Variants in DST observed in about 807,000 individuals in gnomAD.
DST encodes the protein dystonin, also known as bullous pemphigoid antigen.
A neutral mutation model predicts 875.2 loss-of-function variants in DST; 253 were observed. That is an observed-to-expected ratio of 0.29 (90% CI 0.26 to 0.32). The LOEUF (loss-of-function observed/expected upper bound fraction) is 0.32, where lower values mean the gene tolerates loss of function less well. Ranked by LOEUF, DST falls within the 10% of genes least tolerant of loss-of-function variation. The pLI is 1.00. For missense variants in DST, 8,287 were observed against 9,111.6 expected (o/e 0.91, Z 3.68); for synonymous variants, 3,124 against 3,197.1 (o/e 0.98, Z 0.77).
At chr6:56,775,941 C>A (rs951544695) in intron 4 of DST, among the ~76,000 whole-genome samples, 2 of 152,212 alleles carry the variant, frequency 1.3e-5, no homozygotes, top group African/African-American at 4.8e-5. Context: ...AATTCCCCAT[C>A]CCCCGTTGTG....
At chr6:56,802,840 G>T (rs567356575) in intron 4 of DST, among the ~76,000 whole-genome samples, 1 of 152,324 alleles carries the variant, frequency 6.6e-6, no homozygotes, top group Non-Finnish European at 1.5e-5. Context: ...CATTCATAAA[G>T]CACTGGATAA....
At chr6:56,488,869 T>C (rs989881109) in intron 86 of DST, among the ~76,000 whole-genome samples, 1 of 152,124 alleles carries the variant, frequency 6.6e-6, no homozygotes, top group Non-Finnish European at 1.5e-5. Flanking sequence ...TCTTTGAATG[T>C]CATGTGGAAG....
chr6:56,725,683 C>T (rs978081072), intron 5 of DST, among the ~76,000 whole-genome samples: 32 of 152,072 alleles, frequency 2.1e-4, no homozygotes, highest in Non-Finnish European at 3.2e-4. Flanking sequence ...AACATCTGTA[C>T]GATAGTATAT....
intron 36 of DST, chr6:56,615,581 A>G: frequency 3.1e-6 from 5 of 1,614,140 alleles, no homozygotes; most frequent in Non-Finnish European, 4.2e-6. Flanking sequence ...TAACAGTTTA[A>G]GTCCTGTGTG....
chr6:56,606,702 G>A lies in DST; in HGVS notation c.7926C>T (p.Asp2642=), dbSNP rs773870248. 1.9e-6 allele frequency: 3 copies of A among 1,613,568 alleles called. No individual in the cohort carries two copies. Among genetic ancestry groups the A allele is most frequent in the Admixed American group, 3.3e-5 (2 of 59,952 alleles). ...DRDCLHPEDY[D]TLQEENDETA... Reference sequence around the variant, plus strand: ...TCTCATCATTTTCCTCTTGCAGTGTGTCGTAGTCCTCAGGGTGCAGGCAAT... The same window carrying A: ...TCTCATCATTTTCCTCTTGCAGTGTATCGTAGTCCTCAGGGTGCAGGCAAT... Residue 2642 remains aspartate, a synonymous_variant, in exon 40 of 104, where the codon GAC becomes GAT. Coordinates refer to ENST00000680361, the MANE Select transcript of DST (RefSeq NM_001374736.1).
intron 7 of DST, among the ~76,000 whole-genome samples, chr6:56,703,125 C>A (rs1385178556): frequency 6.6e-6 from 1 of 152,180 alleles, no homozygotes; most frequent in Admixed American, 6.5e-5. Context: ...ATTTTTAAAT[C>A]TCCCTTTTAA....
At chr6:56,676,980 A>G (rs1016803009) in intron 9 of DST, among the ~76,000 whole-genome samples, 1 of 152,226 alleles carries the variant, frequency 6.6e-6, no homozygotes, top group African/African-American at 2.4e-5. Context: ...GACTATAGTT[A>G]GTAACGATGT....
chr6:56,621,803 AATT>A (rs1296451809), intron 36 of DST, among the ~76,000 whole-genome samples: 1 of 152,196 alleles, frequency 6.6e-6, no homozygotes, highest in African/African-American at 2.4e-5. Context: ...GGAATACAGA[AATT>A]ATTTTAGACA....
chr6:56,778,718 AT>A (rs1433380006), intron 4 of DST, among the ~76,000 whole-genome samples: 1 of 151,630 alleles, frequency 6.6e-6, no homozygotes, highest in Non-Finnish European at 1.5e-5. Context: ...TTAACTCATC[AT>A]TTTTTATGGC....
chr6:56,465,525 G>A (rs1384461564), intron 99 of DST, among the ~76,000 whole-genome samples: 1 of 151,994 alleles, frequency 6.6e-6, no homozygotes. Context: ...GACTTGGGCT[G>A]GAAGATATGT....
At chr6:56,488,719 C>G (rs1264747205) in intron 86 of DST, among the ~76,000 whole-genome samples, 3 of 152,068 alleles carry the variant, frequency 2.0e-5, no homozygotes, top group Admixed American at 2.0e-4. Flanking sequence ...TATGTACGTG[C>G]CTAAAATTGT....
chr6:56,905,216 CGTGT>C (rs150944175), intron 2 of DST, among the ~76,000 whole-genome samples: 33 of 150,678 alleles, frequency 2.2e-4, no homozygotes, highest in African/African-American at 7.3e-4. Flanking sequence ...GATGTGCACT[CGTGT>C]GTGTGTGTGT....
At chr6:56,561,685 A>G in intron 56 of DST, 136 bp from the exon 57 acceptor site, 1 of 772,234 alleles carries the variant, frequency 1.3e-6, no homozygotes, top group East Asian at 2.6e-5. Flanking sequence ...TAAAGTCATA[A>G]GCTTTTCAGA....
intron 4 of DST, among the ~76,000 whole-genome samples, chr6:56,770,071 TC>T (rs1377541710): frequency 3.3e-5 from 5 of 152,234 alleles, no homozygotes; most frequent in African/African-American, 1.2e-4. Flanking sequence ...CTATATGTTC[TC>T]ATTGCATATG....
intron 2 of DST, among the ~76,000 whole-genome samples, chr6:56,915,890 CA>C (rs1744537765): frequency 6.6e-6 from 1 of 152,222 alleles, no homozygotes; most frequent in African/African-American, 2.4e-5. Context: ...GCAACCCCAA[CA>C]AACTATTCTC....
At chr6:56,818,629 C>T (rs1268694888) in intron 4 of DST, among the ~76,000 whole-genome samples, 1 of 152,074 alleles carries the variant, frequency 6.6e-6, no homozygotes, top group Non-Finnish European at 1.5e-5. Flanking sequence ...AAGTATAAGA[C>T]ACACTGCATT....
At chr6:56,618,056 G>A in intron 36 of DST, 4 of 1,614,144 alleles carry the variant, frequency 2.5e-6, no homozygotes, top group Non-Finnish European at 3.4e-6. Flanking sequence ...AGGTGGTCTA[G>A]AATTGTTCAG....
intron 61 of DST, among the ~76,000 whole-genome samples, chr6:56,543,188 G>A (rs1274183031): frequency 1.3e-5 from 2 of 152,220 alleles, no homozygotes; most frequent in African/African-American, 4.8e-5. Context: ...ATGGGAAAAG[G>A]GGGGCTACAT....
chr6:56,917,534 G>A (rs1801818064), intron 2 of DST, among the ~76,000 whole-genome samples: 1 of 152,190 alleles, frequency 6.6e-6, no homozygotes, highest in South Asian at 2.1e-4. Context: ...CTAAGATGAT[G>A]TTACTGAATC....
Sources: gnomAD v4.1 joint callset for allele counts (sites outside exome capture counted in the v4.1 genomes callset) on GRCh38, gnomAD v4.1.1 for gene constraint, MANE v1.5 for transcripts, NCBI Gene and HGNC (gene_info 2026-07-23, HGNC 2026-07-21) for gene names.